The following FGGY variants were observed in gnomAD, a reference collection of about 807,000 sequenced individuals.
FGGY encodes the protein FGGY carbohydrate kinase domain-containing protein.
A neutral mutation model predicts 71.3 loss-of-function variants in FGGY; 72 were observed. That is an observed-to-expected ratio of 1.01 (90% CI 0.84 to 1.23). The LOEUF (loss-of-function observed/expected upper bound fraction) is 1.23. FGGY is among the 50% of genes most tolerant of loss of function. FGGY has a pLI of 0.00. For synonymous variants in FGGY, 251 were observed against 250.3 expected (o/e 1.00, Z -0.02); for missense variants, 668 against 682.3 (o/e 0.98, Z 0.23).
intron 1 of FGGY, among the ~76,000 whole-genome samples, chr1:59,313,785 T>C (rs1158728803): frequency 2.6e-5 from 4 of 152,030 alleles, no homozygotes; most frequent in Non-Finnish European, 5.9e-5. Context: ...AATGACACAA[T>C]GGACATTGGG....
chr1:59,693,598 T>C (rs1363784779), intron 14 of FGGY, among the ~76,000 whole-genome samples: 1 of 151,692 alleles, frequency 6.6e-6, no homozygotes, highest in Non-Finnish European at 1.5e-5. Context: ...TATACGTGCA[T>C]AGAACTGTGA....
chr1:59,351,148 C>T (rs961772587), intron 4 of FGGY, among the ~76,000 whole-genome samples: 3 of 152,214 alleles, frequency 2.0e-5, no homozygotes, highest in Non-Finnish European at 4.4e-5. Flanking sequence ...CAGCCACACT[C>T]ATCCATTTAT....
chr1:59,329,476 G>A (rs1159330646), intron 2 of FGGY, among the ~76,000 whole-genome samples: 1 of 152,228 alleles, frequency 6.6e-6, no homozygotes, highest in Non-Finnish European at 1.5e-5. Context: ...ATAAAGTGAA[G>A]CACGATAAAA....
At chr1:59,691,737 C>T (rs72666286) in intron 14 of FGGY, among the ~76,000 whole-genome samples, 26,691 of 151,016 alleles carry the variant, frequency 0.18, 2,743 homozygotes, top group Admixed American at 0.3. Flanking sequence ...GTACTTACAG[C>T]CTTAAGATAT....
chr1:59,579,303 C>T (rs9436593), intron 8 of FGGY, among the ~76,000 whole-genome samples: 303 of 152,228 alleles, frequency 2.0e-3, no homozygotes, highest in African/African-American at 7.1e-3. Context: ...GCCCATTTCC[C>T]CTTGCTTCTT....
At chr1:59,335,711 A>G (rs1245168981) in intron 2 of FGGY, among the ~76,000 whole-genome samples, 1 of 152,130 alleles carries the variant, frequency 6.6e-6, no homozygotes, top group African/African-American at 2.4e-5. Context: ...TATTCTAGTA[A>G]GTGTGCAGTA....
chr1:59,703,452 A>G (rs1001515331), intron 14 of FGGY, among the ~76,000 whole-genome samples: 1 of 152,206 alleles, frequency 6.6e-6, no homozygotes, highest in African/African-American at 2.4e-5. Context: ...CAATTAGTAA[A>G]TGGCAAAGTT....
chr1:59,709,288 T>C (rs145515490), intron 14 of FGGY, among the ~76,000 whole-genome samples: 19 of 152,214 alleles, frequency 1.2e-4, no homozygotes, highest in African/African-American at 4.6e-4. Flanking sequence ...AAAGAGTGAG[T>C]GCAGAGGAAA....
intron 5 of FGGY, among the ~76,000 whole-genome samples, chr1:59,404,433 A>G (rs1489627045): frequency 1.3e-5 from 2 of 152,212 alleles, no homozygotes; most frequent in African/African-American, 4.8e-5. Flanking sequence ...AGACTAGAGG[A>G]AAAATAGACT....
chr1:59,432,781 G>A (rs72913765), intron 5 of FGGY, among the ~76,000 whole-genome samples: 3,457 of 152,256 alleles, frequency 0.023, 144 homozygotes, highest in African/African-American at 0.08. Context: ...AAGAGGTGTA[G>A]GAGTAGTATC....
intron 8 of FGGY, among the ~76,000 whole-genome samples, chr1:59,587,836 A>G (rs1291787296): frequency 6.6e-6 from 1 of 152,140 alleles, no homozygotes; most frequent in African/African-American, 2.4e-5. Flanking sequence ...ATAAAACCAC[A>G]AAGATGGGGA....
intron 8 of FGGY, among the ~76,000 whole-genome samples, chr1:59,555,085 T>C (rs910895168): frequency 2.0e-5 from 3 of 152,158 alleles, no homozygotes; most frequent in Non-Finnish European, 4.4e-5. Context: ...CATCAGATAT[T>C]CTAGTTCAGT....
chr1:59,471,067 T>C (rs985144975), intron 6 of FGGY, among the ~76,000 whole-genome samples: 10 of 152,192 alleles, frequency 6.6e-5, no homozygotes, highest in Non-Finnish European at 1.5e-4. Flanking sequence ...GCTTATATGG[T>C]TTGCCTCTGC....
intron 14 of FGGY, among the ~76,000 whole-genome samples, chr1:59,691,316 C>T (rs2097584637): frequency 6.6e-6 from 1 of 152,240 alleles, no homozygotes; most frequent in African/African-American, 2.4e-5. Context: ...GGAGGGCCCT[C>T]ACCATGGGGT....
rs937916023 is a variant in FGGY, at chr1:59,712,178, A to C, written c.1512+38045A>C. ...ATGCAAGTCCAAAATCCAGCAAGGC[A>C]GTCAAATCTTAAAGCTACAAAATGA... On this transcript the variant is annotated intron_variant, in intron 14 of 15. Transcript: ENST00000303721. Among the ~76,000 whole-genome samples, 18 of 152,342 alleles carry C rather than the reference A, an allele frequency of 1.2e-4. No homozygotes were observed. The East Asian group carries it at 3.3e-3, about 28-fold the overall frequency.
intron 14 of FGGY, among the ~76,000 whole-genome samples, chr1:59,726,297 A>G (rs538237262): frequency 3.3e-5 from 5 of 152,244 alleles, no homozygotes; most frequent in Non-Finnish European, 5.9e-5. Flanking sequence ...TGTGGTATAT[A>G]ATTCCTTTTA....
At chr1:59,632,971 C>G (rs115724929) in intron 10 of FGGY, among the ~76,000 whole-genome samples, 119 of 150,898 alleles carry the variant, frequency 7.9e-4, no homozygotes, top group African/African-American at 2.9e-3. Context: ...AGATTTCTTA[C>G]AGAAATTAGC....
intron 1 of FGGY, among the ~76,000 whole-genome samples, chr1:59,300,492 T>G (rs2042594657): frequency 6.6e-6 from 1 of 152,238 alleles, no homozygotes; most frequent in South Asian, 2.1e-4. Flanking sequence ...TAATTTATAA[T>G]TTGGTTAAAT....
chr1:59,510,898 G>A lies in FGGY; in HGVS notation c.671-1413G>A, dbSNP rs575550407. 1.9e-4 allele frequency among the ~76,000 whole-genome samples: 29 copies of A among 152,170 alleles called. 1 individual carries two copies. Among genetic ancestry groups the A allele is most frequent in the African/African-American group, 6.3e-4 (26 of 41,516 alleles). ...TAGATTCGCATACCCAAGTTGTTCC[G>A]AACATACTTAAAAGTTTTTCAGTAA... is the stretch of plus-strand genomic sequence containing the variant. On this transcript the variant is annotated intron_variant, in intron 6 of 15. Transcript: ENST00000303721.
Sources: allele counts gnomAD v4.1 joint callset (sites outside exome capture counted in the v4.1 genomes callset), GRCh38; gene constraint gnomAD v4.1.1; transcripts MANE v1.5; gene names NCBI Gene and HGNC (gene_info 2026-07-23, HGNC 2026-07-21).